NCKAP1L: variants seen among roughly 807,000 people sequenced by gnomAD.
NCKAP1L encodes NCK associated protein 1 like, also known as nck-associated protein 1-like.
A neutral mutation model predicts 139.2 loss-of-function variants in NCKAP1L; 53 were observed. That is an observed-to-expected ratio of 0.38 (90% CI 0.31 to 0.48). The LOEUF (loss-of-function observed/expected upper bound fraction) is 0.48. Ranked by LOEUF, NCKAP1L falls within the 20% of genes least tolerant of loss-of-function variation. The probability of loss-of-function intolerance (pLI) is 0.98; values close to 1 mark genes in which losing one functional copy is unlikely to be tolerated. For synonymous variants in NCKAP1L, 468 were observed against 499.7 expected (o/e 0.94, Z 0.85); for missense variants, 1,151 against 1,381.9 (o/e 0.83, Z 2.65).
intron 1 of NCKAP1L, chr12:54,498,703 G>A: frequency 1.3e-6 from 1 of 784,908 alleles, no homozygotes; most frequent in African/African-American, 1.9e-5. Context: ...ACTGAATCTT[G>A]TACAAAGTCT....
intron 1 of NCKAP1L, among the ~76,000 whole-genome samples, chr12:54,499,128 G>T (rs955079161): frequency 6.6e-6 from 1 of 152,034 alleles, no homozygotes; most frequent in African/African-American, 2.4e-5. Context: ...GTTTCACCAT[G>T]TTGGCCAGGC....
At chr12:54,529,119 T>C (rs751804162) in intron 22 of NCKAP1L, among the ~76,000 whole-genome samples, 14 of 152,148 alleles carry the variant, frequency 9.2e-5, no homozygotes, top group Non-Finnish European at 1.5e-4. Flanking sequence ...CTTATTCCCG[T>C]TTTTCAGATG....
At chr12:54,505,597 C>T (rs1956833647) in intron 3 of NCKAP1L, among the ~76,000 whole-genome samples, 1 of 152,024 alleles carries the variant, frequency 6.6e-6, no homozygotes, top group Admixed American at 6.6e-5. Flanking sequence ...TGGCTCCTCT[C>T]ACTCAGCATC....
intron 1 of NCKAP1L, among the ~76,000 whole-genome samples, chr12:54,498,342 G>A (rs903008580): frequency 2.6e-5 from 4 of 151,858 alleles, no homozygotes; most frequent in African/African-American, 9.7e-5. Context: ...TAGGTATTTA[G>A]ATTAAAAAGG....
At position 54,507,894 on chromosome 12, in the gene NCKAP1L, G is replaced by A. The variant is rs200386840; in HGVS notation, c.348G>A (p.Gln116=). ...TTCTCAACACCATTGATGCCTGCCA[G>A]TGCCATTTTGATATCGTAAGAACCT... is the stretch of plus-strand genomic sequence containing the variant. ...YELLNTIDAC[Q]CHFDINLNFD... The change falls in exon 4 of 31, where the codon CAG becomes CAA. Residue 116 remains glutamine, a synonymous_variant. Coordinates refer to ENST00000293373, the MANE Select transcript of NCKAP1L (RefSeq NM_005337.5). 6 of 1,613,998 alleles carry A rather than the reference G, an allele frequency of 3.7e-6. No homozygotes were observed. In the South Asian group the frequency reaches 5.5e-5, roughly 15 times the overall value.
In NCKAP1L at chr12:54,526,544, G is replaced by A. The variant is rs762717912; in HGVS notation, c.2173G>A (p.Ala725Thr). 1.2e-6 allele frequency: 2 copies of A among 1,613,700 alleles called. No individual in the cohort carries two copies. Among genetic ancestry groups the A allele is most frequent in the South Asian group, 1.1e-5 (1 of 91,064 alleles). The stretch of plus-strand genomic sequence containing the variant: ...ATCACCTAGAGCCATTGTGTGGCTG[G>A]CTGGCTACAATGCCACGACCCAGGA... Reference protein sequence around the residue: ...ARLNRAIVWLAGYNATTQEIV... With the variant: ...ARLNRAIVWLTGYNATTQEIV... Residue 725 changes from alanine to threonine, a missense_variant, in exon 21 of 31, where the codon GCT (alanine) becomes ACT (threonine). By Grantham distance (58) the Ala-to-Thr change is moderately conservative. Coordinates refer to ENST00000293373, the MANE Select transcript of NCKAP1L (RefSeq NM_005337.5).
At chr12:54,531,632 T>C in intron 24 of NCKAP1L, 48 bp downstream of exon 24, 1 of 1,607,236 alleles carries the variant, frequency 6.2e-7, no homozygotes. Context: ...GGAATCACAT[T>C]GCAGATGACA....
rs576173904 is a variant in NCKAP1L at position 54,543,677 on chromosome 12, GC to G, written c.*993del. 2.0e-3 allele frequency: 298 copies of G among 152,320 alleles called. No individual in the cohort carries two copies. The highest frequency in any genetic ancestry group is 6.5e-3 in the African/African-American group (271 of 41,570). The allele number at this position is 152,320 out of a possible 1,614,324, so 9.4% of individuals were successfully genotyped here. A position where few individuals can be genotyped will look rare whatever the true frequency, so the allele number is the denominator to read the frequency against. ...AGTGGGTATCCTTGAGGGAGTACAA[GC>G]TGTTTCAACTTAGCCCTTTTCTGCG... On this transcript the variant is annotated 3_prime_UTR_variant, in exon 31 of 31. Coordinates refer to ENST00000293373, the MANE Select transcript of NCKAP1L (RefSeq NM_005337.5).
intron 26 of NCKAP1L, among the ~76,000 whole-genome samples, chr12:54,532,509 C>G (rs1037455770): frequency 2.6e-5 from 4 of 151,966 alleles, no homozygotes; most frequent in Admixed American, 1.3e-4. Flanking sequence ...AGGGGTAAGA[C>G]CTAGGATAGT....
rs1956953734 is a variant in NCKAP1L at position 54,518,642 on chromosome 12, C to G, written c.1339-9C>G. The G allele has an allele frequency of 1.2e-6, 2 of 1,613,334 alleles. No individual in the cohort carries two copies. The highest frequency in any genetic ancestry group is 2.2e-5 in the South Asian group (2 of 91,072). On this transcript the variant is annotated splice_polypyrimidine_tract_variant and intron_variant, in intron 13 of 30. Transcript: ENST00000293373. Reference sequence around the variant, plus strand: ...GCCCACTTGACAGTAACTGCAGCTCCTTTTTTAGAACTTGTCTGTGTGTCC... The same window carrying G: ...GCCCACTTGACAGTAACTGCAGCTCGTTTTTTAGAACTTGTCTGTGTGTCC...
intron 16 of NCKAP1L, among the ~76,000 whole-genome samples, chr12:54,520,346 C>T (rs559048922): frequency 6.6e-6 from 1 of 152,232 alleles, no homozygotes; most frequent in Non-Finnish European, 1.5e-5. Flanking sequence ...ATTAACACTA[C>T]TGAAGGACTT....
At chr12:54,541,070 T>C (rs552790560) in intron 30 of NCKAP1L, among the ~76,000 whole-genome samples, 2 of 152,348 alleles carry the variant, frequency 1.3e-5, no homozygotes, top group Non-Finnish European at 2.9e-5. Context: ...GCCTGGGCCA[T>C]GCCTGCACCT....
chr12:54,498,890 C>A, intron 1 of NCKAP1L: 1 of 544,404 alleles, frequency 1.8e-6, no homozygotes, highest in Non-Finnish European at 2.3e-6. Flanking sequence ...TTTTCTTGAC[C>A]TACTCTTATG....
At chr12:54,506,796 A>AAAATATATATATATATATATATAT in intron 3 of NCKAP1L, among the ~76,000 whole-genome samples, 6 of 50,594 alleles carry the variant, frequency 1.2e-4, no homozygotes, top group Non-Finnish European at 1.8e-4. Flanking sequence ...AAAAAAAAAA[A>AAAATATATATATATATATATATAT]ATATATATAT....
intron 5 of NCKAP1L, 43 bp from the exon 6 acceptor site, chr12:54,509,626 G>A (rs746950075): frequency 8.8e-6 from 12 of 1,365,664 alleles, no homozygotes; most frequent in Non-Finnish European, 1.3e-5. Flanking sequence ...TTCAAGTCAT[G>A]GGTAAGGGAG....
intron 7 of NCKAP1L, among the ~76,000 whole-genome samples, chr12:54,511,564 G>C (rs1199861211): frequency 6.6e-6 from 1 of 152,176 alleles, no homozygotes; most frequent in African/African-American, 2.4e-5. Flanking sequence ...ACACCGCCAT[G>C]TCTGGCTAAT....
chr12:54,508,018 T>C (rs1956857100), intron 4 of NCKAP1L, 109 bp downstream of exon 4: 1 of 959,772 alleles, frequency 1.0e-6, no homozygotes, highest in Non-Finnish European at 1.7e-6. Flanking sequence ...ACTGGAAGGA[T>C]GGCTATTTTG....
At chr12:54,508,269 C>A in intron 4 of NCKAP1L, 120 bp from the exon 5 acceptor site, 1 of 1,064,656 alleles carries the variant, frequency 9.4e-7, no homozygotes, top group Non-Finnish European at 1.4e-6. Context: ...CCTGTCAGTT[C>A]CTACTTCTAA....
chr12:54,547,279 A>C lies in NCKAP1L; in HGVS notation c.*4594A>C, dbSNP rs1169249112. ...AGGACTGGTGACTAAAGAAAGTGAAAGGAGCCACAGAGTGAAAAAGGCTGA... is the reference window on the plus strand; with the variant it reads ...AGGACTGGTGACTAAAGAAAGTGAACGGAGCCACAGAGTGAAAAAGGCTGA... On this transcript the variant is annotated 3_prime_UTR_variant, in exon 31 of 31. Transcript: ENST00000293373. The C allele has an allele frequency of 6.6e-6, 1 of 152,204 alleles. No homozygotes were observed. The highest frequency in any genetic ancestry group is 1.5e-5 in the Non-Finnish European group (1 of 68,036). The allele number at this position is 152,204 out of a possible 1,614,324, so 9.4% of individuals were successfully genotyped here.
Sources: allele counts gnomAD v4.1 joint callset (sites outside exome capture counted in the v4.1 genomes callset), GRCh38; gene constraint gnomAD v4.1.1; transcripts MANE v1.5; gene names NCBI Gene and HGNC (gene_info 2026-07-23, HGNC 2026-07-21).